COL6A3: variants seen among roughly 807,000 people sequenced by gnomAD.
COL6A3 encodes the protein collagen type VI alpha 3 chain, also known as collagen alpha-3(VI) chain.
In COL6A3, 137 loss-of-function variants were observed where a neutral mutation model predicts 274.1. The observed-to-expected ratio is 0.50, with a 90% CI of 0.44 to 0.58. COL6A3 has a LOEUF of 0.58. Among genes scored for constraint, COL6A3 ranks in the 20% least tolerant of loss-of-function variants. The pLI is 0.00. For missense variants in COL6A3, 3,950 were observed against 4,124.9 expected (o/e 0.96, Z 1.16); for synonymous variants, 1,650 against 1,650.6 (o/e 1.00, Z 0.01).
Position 237,351,203 on chromosome 2 carries a change from A to G in COL6A3, c.6754-11T>C. On this transcript the variant is annotated splice_polypyrimidine_tract_variant and intron_variant, in intron 26 of 43. Transcript: ENST00000295550. The stretch of plus-strand genomic sequence containing the variant: ...GGCACCTCCGCTTCCCTGGAGCAGG[A>G]GGGGAGGAATGTGTCAGTGAAGTGG... 3.7e-6 allele frequency: 6 copies of G among 1,614,048 alleles called. No individual in the cohort carries two copies. Among genetic ancestry groups the G allele is most frequent in the Non-Finnish European group, 5.1e-6 (6 of 1,179,924 alleles).
intron 1 of COL6A3, 71 bp from the exon 2 acceptor site, chr2:237,396,918 C>T (rs762575578): frequency 7.4e-6 from 8 of 1,077,172 alleles, no homozygotes; most frequent in Non-Finnish European, 1.1e-5. Flanking sequence ...CTCAAAATCC[C>T]ATGCTTTCTA....
intron 6 of COL6A3, 128 bp downstream of exon 6, chr2:237,378,508 T>A: frequency 7.2e-7 from 1 of 1,384,002 alleles, no homozygotes. Flanking sequence ...CCATTCAAAC[T>A]ATTTCAATGG....
intron 14 of COL6A3, 98 bp downstream of exon 14, chr2:237,363,155 C>T: frequency 8.1e-7 from 1 of 1,239,506 alleles, no homozygotes; most frequent in East Asian, 2.4e-5. Flanking sequence ...CCCCCCCCCA[C>T]CTCCATTCAC....
intron 36 of COL6A3, chr2:237,342,546 C>G (rs1371912887): frequency 8.2e-6 from 2 of 243,564 alleles, no homozygotes; most frequent in East Asian, 1.8e-4. Flanking sequence ...AATATGGGAG[C>G]TCCATCCCTT....
intron 4 of COL6A3, among the ~76,000 whole-genome samples, chr2:237,387,177 T>C (rs767200618): frequency 2.0e-5 from 3 of 152,194 alleles, no homozygotes; most frequent in Non-Finnish European, 4.4e-5. Flanking sequence ...TGAGCACACT[T>C]CTAACACTGA....
At chr2:237,333,026 C>G in intron 42 of COL6A3, 1 of 314,638 alleles carries the variant, frequency 3.2e-6, no homozygotes, top group South Asian at 3.0e-5. Flanking sequence ...TGGGTCAGAT[C>G]CAAACCCATG....
chr2:237,361,278 T>A lies in COL6A3; in HGVS notation c.6157-104A>T. 1 of 981,710 alleles carries A rather than the reference T, an allele frequency of 1.0e-6. No homozygotes were observed. Among genetic ancestry groups the A allele is most frequent in the Non-Finnish European group, 1.6e-6 (1 of 615,450 alleles). 60.8% of individuals were successfully genotyped at this position (981,710 alleles called of 1,614,324 possible). ...TCATTTGGCAGAGCAGCACTAAAAC[T>A]CAGCATGGCTTTCCCTGTTACTGCT... On this transcript the variant is annotated intron_variant, in intron 15 of 43. Coordinates refer to ENST00000295550, the MANE Select transcript of COL6A3 (RefSeq NM_004369.4). The surrounding 1 kb of genome is among the most constrained non-coding windows in gnomAD (Gnocchi z 5.1).
At chr2:237,388,325 T>A in intron 3 of COL6A3, 141 bp from the exon 4 acceptor site, 24 of 1,014,326 alleles carry the variant, frequency 2.4e-5, no homozygotes, top group Non-Finnish European at 3.1e-5. Context: ...GATGAAGGAA[T>A]GTGAAATTCT....
chr2:237,325,825 G>GA (rs1336983547), intron 42 of COL6A3, 101 bp from the exon 43 acceptor site: 89 of 987,690 alleles, frequency 9.0e-5, no homozygotes, highest in Non-Finnish European at 1.1e-4. Context: ...GTGGCAGAAG[G>GA]AAAAAAAAGA....
At chr2:237,387,121 G>A (rs1410225980) in intron 4 of COL6A3, among the ~76,000 whole-genome samples, 1 of 152,106 alleles carries the variant, frequency 6.6e-6, no homozygotes, top group Non-Finnish European at 1.5e-5. Flanking sequence ...TGACTTTGAG[G>A]AGACACCCTC....
intron 40 of COL6A3, 68 bp downstream of exon 40, chr2:237,336,066 TG>T: frequency 6.3e-7 from 1 of 1,583,750 alleles, no homozygotes; most frequent in East Asian, 2.2e-5. Context: ...ATGCAGGCTT[TG>T]AGGAACACAC....
At chr2:237,399,990 A>G (rs2078549830) in intron 1 of COL6A3, among the ~76,000 whole-genome samples, 1 of 152,250 alleles carries the variant, frequency 6.6e-6, no homozygotes, top group Non-Finnish European at 1.5e-5. Flanking sequence ...CTTTCATGAC[A>G]CTAGTTAATA....
Position 237,374,056 on chromosome 2 carries a change from G to T in COL6A3, c.3679+356C>A, listed in dbSNP as rs1209949728. Among the ~76,000 whole-genome samples, 1 of 152,196 alleles carries T rather than the reference G, an allele frequency of 6.6e-6. No individual in the cohort carries two copies. The highest frequency in any genetic ancestry group is 2.1e-4 in the South Asian group (1 of 4,832). ...AGGCTGCTGACCAAACCTACCAGGG[G>T]TCGCAGGACTGATACGCAACAGGCG... is the stretch of plus-strand genomic sequence containing the variant. On this transcript the variant is annotated intron_variant, in intron 8 of 43. Transcript: ENST00000295550. The surrounding 1 kb of genome is among the most constrained non-coding windows in gnomAD (Gnocchi z 4.8).
rs775001008 is a variant in COL6A3 at position 237,354,911 on chromosome 2, G to A, written c.6615C>T (p.Pro2205=). The part of the protein sequence containing the change: ...GKNGGFGRRG[P]PGAKGNKGGP... ...GCATGAGGCTCACCTTAGCTCCGGG[G>A]GGTCCCCTTCGGCCAAAGCCACCCT... The change falls in exon 24 of 44, where the codon CCC becomes CCT. Residue 2205 remains proline, a synonymous_variant. Transcript: ENST00000295550. The A allele has an allele frequency of 3.7e-6, 6 of 1,613,718 alleles. No homozygotes were observed. Among genetic ancestry groups the A allele is most frequent in the Non-Finnish European group, 5.1e-6 (6 of 1,179,888 alleles).
Position 237,361,774 on chromosome 2 carries a change from C to A in COL6A3, c.6121G>T (p.Gly2041Ter), listed in dbSNP as rs1310821054. 2 of 1,614,228 alleles carry A rather than the reference C, an allele frequency of 1.2e-6. No individual in the cohort carries two copies. Among genetic ancestry groups the A allele is most frequent in the Non-Finnish European group, 1.7e-6 (2 of 1,180,042 alleles). Residue 2041 changes from glycine (G) to a stop codon, truncating the protein, a stop_gained, in exon 15 of 44, where the codon GGA (glycine) becomes TGA (stop). Coordinates refer to ENST00000295550, the MANE Select transcript of COL6A3 (RefSeq NM_004369.4). LOFTEE classifies it high-confidence loss of function. The surrounding 1 kb of genome is among the most constrained non-coding windows in gnomAD (Gnocchi z 5.1). Reference protein sequence around the residue: ...GVPCKCSGQRGDRGPIGSIGP... With the variant: ...GVPCKCSGQR Reference sequence around the variant, plus strand: ...ATGCTGCCGATGGGCCCGCGGTCTCCCCTCTGCCCAGAGCACTTGCAGGGA... The same window carrying A: ...ATGCTGCCGATGGGCCCGCGGTCTCACCTCTGCCCAGAGCACTTGCAGGGA...
At chr2:237,401,262 C>G (rs1360285876) in intron 1 of COL6A3, among the ~76,000 whole-genome samples, 1 of 152,142 alleles carries the variant, frequency 6.6e-6, no homozygotes, top group African/African-American at 2.4e-5. Flanking sequence ...GAAGTGAAAA[C>G]AGGATCTCAA....
chr2:237,345,876 G>C (rs536144574), intron 32 of COL6A3, among the ~76,000 whole-genome samples: 1 of 152,190 alleles, frequency 6.6e-6, no homozygotes, highest in East Asian at 1.9e-4. Flanking sequence ...ACCAAACTAA[G>C]CCCTGAACCT....
At position 237,395,118 on chromosome 2, in the gene COL6A3, C is replaced by T; in HGVS notation, c.178G>A (p.Glu60Lys). 6.2e-7 allele frequency: 1 copy of T among 1,614,014 alleles called. No individual in the cohort carries two copies. The highest frequency in any genetic ancestry group is 8.5e-7 in the Non-Finnish European group (1 of 1,180,018). The change falls in exon 3 of 44, where the codon GAG (glutamate) becomes AAG (lysine). Residue 60 changes from glutamate (E) to lysine (K), a missense_variant. Physicochemically the swap from Glu to Lys is moderately conservative, Grantham distance 56 (BLOSUM62 1). Transcript: ENST00000295550. ...IGEEHFQLVR[E>K]FLYDVVKSLA... ...GATTTTACAACATCATATAGAAACT[C>T]TCGAACAAGTTGGAAATGTTCCTCT...
chr2:237,391,180 G>A (rs960473377), intron 3 of COL6A3, among the ~76,000 whole-genome samples: 6 of 152,174 alleles, frequency 3.9e-5, no homozygotes, highest in African/African-American at 9.7e-5. Context: ...TGTTTTTGCC[G>A]TGGAACATGC....
Sources: allele counts gnomAD v4.1 joint callset (sites outside exome capture counted in the v4.1 genomes callset), GRCh38; gene constraint gnomAD v4.1.1; non-coding constraint Gnocchi (gnomAD v3.1); transcripts MANE v1.5; gene names NCBI Gene and HGNC (gene_info 2026-07-23, HGNC 2026-07-21).